Variants in MLXIP observed in about 807,000 individuals in gnomAD.
The protein encoded by MLXIP is MLX-interacting protein.
A neutral mutation model predicts 87.2 loss-of-function variants in MLXIP; 30 were observed. That is an observed-to-expected ratio of 0.34 (90% CI 0.26 to 0.47). The LOEUF (loss-of-function observed/expected upper bound fraction) is 0.47, where lower values mean the gene tolerates loss of function less well. Among genes scored for constraint, MLXIP ranks in the 20% least tolerant of loss-of-function variants. The pLI is 1.00. For missense variants in MLXIP, 1,002 were observed against 1,240.1 expected, an observed-to-expected ratio of 0.81 and a Z score of 2.88; for synonymous variants, 530 against 514.0, an observed-to-expected ratio of 1.03 and a Z score of -0.42.
At chr12:122,134,176 A>T in intron 9 of MLXIP, 189 bp downstream of exon 9, 3 of 700,100 alleles carry the variant, frequency 4.3e-6, no homozygotes, top group African/African-American at 1.9e-5. Flanking sequence ...TCCGTTTTCT[A>T]TGCTCTATCT....
chr12:122,093,568 TG>T (rs1952284487), intron 1 of MLXIP, among the ~76,000 whole-genome samples: 1 of 125,938 alleles, frequency 7.9e-6, no homozygotes, highest in African/African-American at 3.1e-5. Context: ...GCCTGTGGCA[TG>T]GGTGTAGTGT....
At chr12:122,086,318 A>G (rs1041240352) in intron 1 of MLXIP, among the ~76,000 whole-genome samples, 2 of 112,022 alleles carry the variant, frequency 1.8e-5, no homozygotes, top group African/African-American at 3.7e-5. Flanking sequence ...CTCCCACCAC[A>G]GGAGAGCAGA....
chr12:122,086,094 C>T (rs1464419489), intron 1 of MLXIP, among the ~76,000 whole-genome samples: 2 of 152,094 alleles, frequency 1.3e-5, no homozygotes, highest in African/African-American at 2.4e-5. Flanking sequence ...AGGAAAGCCA[C>T]GGGATTGGGA....
At chr12:122,094,504 GT>G (rs1952314782) in intron 1 of MLXIP, among the ~76,000 whole-genome samples, 1 of 123,062 alleles carries the variant, frequency 8.1e-6, no homozygotes, top group African/African-American at 2.9e-5. Flanking sequence ...ATGTCTGTGT[GT>G]GTGGTGTGTT....
Position 122,135,625 on chromosome 12 carries a change from C to T in MLXIP, c.1991C>T (p.Pro664Leu), listed in dbSNP as rs368903177. The change falls in exon 11 of 17, where the codon CCG becomes CTG. Residue 664 changes from proline (P) to leucine (L), a missense_variant. Coordinates refer to ENST00000319080, the MANE Select transcript of MLXIP (RefSeq NM_014938.6). The surrounding 1 kb of genome is among the most constrained non-coding windows in gnomAD (Gnocchi z 5.3). ...CCCCTGGGGAAGGGCGAGCAGGTCC[C>T]GCTGCATGGGGGCAGCCCCCAGGTC... is the stretch of plus-strand genomic sequence containing the variant. The part of the protein sequence containing the change: ...QDPLGKGEQV[P>L]LHGGSPQVTV... 6.5e-5 allele frequency: 101 copies of T among 1,557,474 alleles called. No individual in the cohort carries two copies. Among genetic ancestry groups the T allele is most frequent in the Non-Finnish European group, 8.1e-5 (93 of 1,152,990 alleles).
intron 6 of MLXIP, among the ~76,000 whole-genome samples, chr12:122,130,485 C>T (rs1353024649): frequency 4.0e-5 from 6 of 151,312 alleles, no homozygotes; most frequent in Non-Finnish European, 7.4e-5. Context: ...GAAGCACTCC[C>T]GGGTGTGACC....
intron 1 of MLXIP, among the ~76,000 whole-genome samples, chr12:122,117,459 C>T (rs558599884): frequency 6.6e-5 from 10 of 152,236 alleles, no homozygotes; most frequent in African/African-American, 2.4e-4. Flanking sequence ...CAGGACTAGC[C>T]GATAGAGACT....
chr12:122,121,010 G>GTTTTTGTTTTTTTTTTT (rs1952771839), intron 1 of MLXIP, among the ~76,000 whole-genome samples: 1 of 111,910 alleles, frequency 8.9e-6, no homozygotes, highest in African/African-American at 3.6e-5. Flanking sequence ...TGCATGCTTG[G>GTTTTTGTTTTTTTTTTT]TTTTTTTTTT....
intron 1 of MLXIP, among the ~76,000 whole-genome samples, chr12:122,104,625 G>GCTGGAGT (rs1363773085): frequency 7.0e-6 from 1 of 142,216 alleles, no homozygotes; most frequent in East Asian, 2.1e-4. Context: ...TCTCGCCCAG[G>GCTGGAGT]CTGGAGTGCA....
In MLXIP at chr12:122,078,801, C is replaced by T. The variant is rs1370470393; in HGVS notation, c.-53C>T. On this transcript the variant is annotated 5_prime_UTR_variant, in exon 1 of 17. Coordinates refer to ENST00000319080, the MANE Select transcript of MLXIP (RefSeq NM_014938.6). ...CGGGCCGGCGCCCCTCTGCCTCGCG[C>T]GCTTGTCGCGTTGCCCCGGGCTCCG... 3.9e-6 allele frequency: 4 copies of T among 1,032,272 alleles called. No individual in the cohort carries two copies. The highest frequency in any genetic ancestry group is 8.4e-5 in the East Asian group (1 of 11,974). The allele number at this position is 1,032,272 out of a possible 1,614,324, so 63.9% of individuals were successfully genotyped here. A position where few individuals can be genotyped will look rare whatever the true frequency, so the allele number is the denominator to read the frequency against.
At chr12:122,108,367 CAAA>C (rs61424369) in intron 1 of MLXIP, among the ~76,000 whole-genome samples, 12 of 80,526 alleles carry the variant, frequency 1.5e-4, no homozygotes, top group East Asian at 3.4e-4. Context: ...GACTCCATCT[CAAA>C]AAAAAAAAAA....
intron 9 of MLXIP, 147 bp downstream of exon 9, chr12:122,134,134 G>A (rs1953038301): frequency 3.0e-6 from 3 of 984,834 alleles, no homozygotes; most frequent in Non-Finnish European, 2.9e-6. Flanking sequence ...TGAAACAAAA[G>A]TGTCATGAAA....
Position 122,146,227 on chromosome 12 carries a change from A to G in MLXIP, c.*4415A>G, listed in dbSNP as rs368119157. The G allele has an allele frequency of 6.6e-6, 1 of 152,116 alleles. No individual in the cohort carries two copies. Among genetic ancestry groups the G allele is most frequent in the Non-Finnish European group, 1.5e-5 (1 of 68,078 alleles). The allele number at this position is 152,116 out of a possible 1,614,324, so 9.4% of individuals were successfully genotyped here. On this transcript the variant is annotated 3_prime_UTR_variant, in exon 17 of 17. Coordinates refer to ENST00000319080, the MANE Select transcript of MLXIP (RefSeq NM_014938.6). Reference sequence around the variant, plus strand: ...GACATCTCTGCTTTGGGGGATTTTTACCTTGTCTGCACACTTGTCAGGGGA... The same window carrying G: ...GACATCTCTGCTTTGGGGGATTTTTGCCTTGTCTGCACACTTGTCAGGGGA...
chr12:122,092,882 G>A (rs1427087168), intron 1 of MLXIP, among the ~76,000 whole-genome samples: 1 of 152,074 alleles, frequency 6.6e-6, no homozygotes, highest in Non-Finnish European at 1.5e-5. Context: ...ACCTATCTTC[G>A]GCTTTGCTTC....
Position 122,143,345 on chromosome 12 carries a change from G to C in MLXIP, c.*1533G>C, listed in dbSNP as rs1408065595. On this transcript the variant is annotated 3_prime_UTR_variant, in exon 17 of 17. Transcript: ENST00000319080. ...TCTCCCCACTTCAGGCCTCCGGCCAGCTGCCTGCCCTCTTGTCTGTGCTTC... is the reference window on the plus strand; with the variant it reads ...TCTCCCCACTTCAGGCCTCCGGCCACCTGCCTGCCCTCTTGTCTGTGCTTC... The C allele has an allele frequency of 6.6e-6, 1 of 152,478 alleles. No individual in the cohort carries two copies. The highest frequency in any genetic ancestry group is 2.4e-5 in the African/African-American group (1 of 41,474). 9.4% of individuals were successfully genotyped at this position (152,478 alleles called of 1,614,324 possible).
chr12:122,095,923 G>A (rs1418466129), intron 1 of MLXIP, among the ~76,000 whole-genome samples: 2 of 151,464 alleles, frequency 1.3e-5, no homozygotes. Flanking sequence ...GGAGTGCAGT[G>A]GCGCGATCTC....
chr12:122,139,039 C>T, intron 15 of MLXIP, 101 bp downstream of exon 15: 5 of 1,519,818 alleles, frequency 3.3e-6, no homozygotes, highest in South Asian at 2.6e-5. Flanking sequence ...CTTTAAATGC[C>T]TGTCACCAAG....
chr12:122,119,313 ATG>A lies in MLXIP; in HGVS notation c.414-7939_414-7938del, dbSNP rs1356797443. Among the ~76,000 whole-genome samples, 4 of 152,294 alleles carry A rather than the reference ATG, an allele frequency of 2.6e-5. No individual in the cohort carries two copies. The East Asian group carries it at 7.7e-4, about 29-fold the overall frequency. The stretch of plus-strand genomic sequence containing the variant: ...ACAGTGCATCTTGTAGGTCTTCCCT[ATG>A]TGTTACCACATAGAAATGTGTTATT... On this transcript the variant is annotated intron_variant, in intron 1 of 16. Transcript: ENST00000319080.
chr12:122,102,350 A>G (rs145092645), intron 1 of MLXIP, among the ~76,000 whole-genome samples: 4 of 152,368 alleles, frequency 2.6e-5, no homozygotes, highest in Non-Finnish European at 4.4e-5. Flanking sequence ...GTTTAATACC[A>G]TTAATCGTTA....
Sources: gnomAD v4.1 joint callset for allele counts (sites outside exome capture counted in the v4.1 genomes callset) on GRCh38, gnomAD v4.1.1 for gene constraint, Gnocchi (gnomAD v3.1) non-coding constraint, MANE v1.5 for transcripts, NCBI Gene and HGNC (gene_info 2026-07-23, HGNC 2026-07-21) for gene names.